The following RPP14 variants were observed in gnomAD, a reference collection of about 807,000 sequenced individuals.
RPP14 encodes the protein ribonuclease P protein subunit p14.
Under a neutral mutation model 17.8 loss-of-function variants are expected in RPP14, and 19 were observed. The observed-to-expected ratio is 1.07, with a 90% confidence interval of 0.74 to 1.57. RPP14 has a LOEUF of 1.57. RPP14 is among the 40% of genes most tolerant of loss of function. The pLI is 0.00. For missense variants in RPP14, 125 were observed against 140.8 expected (o/e 0.89, Z 0.57); for synonymous variants, 60 against 56.4 (o/e 1.06, Z -0.29).
intron 3 of RPP14, among the ~76,000 whole-genome samples, chr3:58,313,359 G>A (rs1309166960): frequency 6.6e-6 from 1 of 152,218 alleles, no homozygotes; most frequent in Non-Finnish European, 1.5e-5. Context: ...TTTTGTCATA[G>A]ACCAGCATTT....
intron 3 of RPP14, among the ~76,000 whole-genome samples, chr3:58,311,171 T>C (rs1430048041): frequency 6.6e-6 from 1 of 151,818 alleles, no homozygotes; most frequent in African/African-American, 2.4e-5. Flanking sequence ...TTGTTTTTCT[T>C]TGAGATGGAG....
intron 3 of RPP14, 61 bp from the exon 4 acceptor site, chr3:58,316,454 T>G: frequency 6.9e-7 from 1 of 1,458,510 alleles, no homozygotes; most frequent in Non-Finnish European, 9.6e-7. Context: ...TTGTCAAAAG[T>G]TGACAAGCAT....
At chr3:58,309,822 G>A (rs1380415428) in intron 1 of RPP14, among the ~76,000 whole-genome samples, 1 of 152,120 alleles carries the variant, frequency 6.6e-6, no homozygotes, top group Non-Finnish European at 1.5e-5. Flanking sequence ...AATCCGCGAG[G>A]CAGAGGTTGC....
At chr3:58,316,378 C>T (rs1376102407) in intron 3 of RPP14, 137 bp from the exon 4 acceptor site, 11 of 730,828 alleles carry the variant, frequency 1.5e-5, no homozygotes, top group Non-Finnish European at 2.6e-5. Context: ...AAGTAGGCAA[C>T]TAAAGTGCCA....
intron 3 of RPP14, among the ~76,000 whole-genome samples, chr3:58,315,396 G>T (rs2097487189): frequency 6.6e-6 from 1 of 151,570 alleles, no homozygotes; most frequent in South Asian, 2.1e-4. Context: ...GGAGGGGTGG[G>T]TGTGGCTGTA....
At chr3:58,314,917 C>T (rs13081138) in intron 3 of RPP14, among the ~76,000 whole-genome samples, 10,669 of 152,024 alleles carry the variant, frequency 0.07, 492 homozygotes, top group South Asian at 0.1. Flanking sequence ...AATCTCTTGA[C>T]CTTGTGATCC....
chr3:58,317,078 T>G, intron 5 of RPP14, 85 bp downstream of exon 5: 1 of 961,284 alleles, frequency 1.0e-6, no homozygotes, highest in Non-Finnish European at 1.6e-6. Flanking sequence ...TTTTTGTGCT[T>G]GCATAAATGT....
chr3:58,319,025 T>G lies in RPP14; in HGVS notation c.*1529T>G, dbSNP rs1259396880. 6.6e-6 allele frequency: 1 copy of G among 152,104 alleles called. No homozygotes were observed. The highest frequency in any genetic ancestry group is 1.9e-4 in the East Asian group (1 of 5,202). 9.4% of individuals were successfully genotyped at this position (152,104 alleles called of 1,614,324 possible). On this transcript the variant is annotated 3_prime_UTR_variant, in exon 6 of 6. Coordinates refer to ENST00000295959, the MANE Select transcript of RPP14 (RefSeq NM_007042.6). ...AAAAAAAGATTCTACTTTTAGAAAT[T>G]CAGACCTAGATAGATTTGCATTTGG... is the stretch of plus-strand genomic sequence containing the variant.
intron 3 of RPP14, among the ~76,000 whole-genome samples, chr3:58,311,895 T>TG (rs1218781213): frequency 1.3e-5 from 2 of 152,162 alleles, no homozygotes; most frequent in Non-Finnish European, 2.9e-5. Context: ...GTTTTTGAGA[T>TG]GAAGTCTTGC....
intron 1 of RPP14, among the ~76,000 whole-genome samples, chr3:58,308,812 C>T (rs911148329): frequency 1.3e-5 from 2 of 152,120 alleles, no homozygotes; most frequent in African/African-American, 4.8e-5. Context: ...GATTGCATAA[C>T]ATGGGGGCTT....
At chr3:58,308,326 C>T (rs1314741587) in intron 1 of RPP14, among the ~76,000 whole-genome samples, 1 of 152,164 alleles carries the variant, frequency 6.6e-6, no homozygotes, top group African/African-American at 2.4e-5. Context: ...CTCTGTCACC[C>T]AGGCTGGAGT....
In RPP14 at chr3:58,317,007, C is replaced by T; in HGVS notation, c.318+14C>T. 1 of 1,595,080 alleles carries T rather than the reference C, an allele frequency of 6.3e-7. No individual in the cohort carries two copies. Among genetic ancestry groups the T allele is most frequent in the East Asian group, 2.2e-5 (1 of 44,776 alleles). ...CGGGTGATTCAGGTAAAGACTATTCCCTCACATATTCCAAACAAGACTGAG... is the reference window on the plus strand; with the variant it reads ...CGGGTGATTCAGGTAAAGACTATTCTCTCACATATTCCAAACAAGACTGAG... On this transcript the variant is annotated intron_variant, in intron 5 of 5. Transcript: ENST00000295959.
At position 58,310,343 on chromosome 3, in the gene RPP14, C is replaced by T. The variant is rs769408678; in HGVS notation, c.14C>T (p.Ala5Val). Residue 5 changes from alanine to valine, a missense_variant, in exon 2 of 6, where the codon GCT becomes GTT. Transcript: ENST00000295959. Reference protein sequence around the residue: MPAPAATYERVVYKN... With the variant: MPAPVATYERVVYKN... ...GCACTGGAAAAGATGCCTGCCCCTGCTGCCACATATGAAAGAGTAGTTTAC... is the reference window on the plus strand; with the variant it reads ...GCACTGGAAAAGATGCCTGCCCCTGTTGCCACATATGAAAGAGTAGTTTAC... 9 of 1,614,190 alleles carry T rather than the reference C, an allele frequency of 5.6e-6. No individual in the cohort carries two copies. Among genetic ancestry groups the T allele is most frequent in the Admixed American group, 3.3e-5 (2 of 60,022 alleles).
intron 1 of RPP14, among the ~76,000 whole-genome samples, chr3:58,308,819 GCTTAA>G (rs1475159568): frequency 6.6e-6 from 1 of 152,060 alleles, no homozygotes; most frequent in Non-Finnish European, 1.5e-5. Context: ...TAACATGGGG[GCTTAA>G]CTTAGAGAAG....
intron 3 of RPP14, among the ~76,000 whole-genome samples, chr3:58,314,128 A>G (rs1475667513): frequency 6.6e-6 from 1 of 152,182 alleles, no homozygotes; most frequent in Non-Finnish European, 1.5e-5. Context: ...AGGTGGGTTG[A>G]TTGCCTGAGG....
intron 1 of RPP14, among the ~76,000 whole-genome samples, chr3:58,308,636 A>C (rs902817001): frequency 3.9e-5 from 6 of 152,116 alleles, no homozygotes; most frequent in African/African-American, 1.4e-4. Flanking sequence ...TTTTCTCCAG[A>C]GGTCATCATC....
chr3:58,306,815 C>G (rs1476773526), intron 1 of RPP14, among the ~76,000 whole-genome samples: 1 of 151,928 alleles, frequency 6.6e-6, no homozygotes, highest in Non-Finnish European at 1.5e-5. Context: ...CAGCAGTGAA[C>G]AAGATAGCAA....
chr3:58,316,126 T>G (rs2107508742), intron 3 of RPP14, among the ~76,000 whole-genome samples: 1 of 152,386 alleles, frequency 6.6e-6, no homozygotes, highest in South Asian at 2.1e-4. Context: ...AGACATGGCC[T>G]CTGCCACATG....
intron 3 of RPP14, among the ~76,000 whole-genome samples, chr3:58,314,693 T>C (rs1455486046): frequency 2.1e-5 from 3 of 141,224 alleles, no homozygotes; most frequent in Non-Finnish European, 3.1e-5. Flanking sequence ...TTTTTTTTTT[T>C]TTTTTTTGTT....
Sources: gnomAD v4.1 joint callset for allele counts (sites outside exome capture counted in the v4.1 genomes callset) on GRCh38, gnomAD v4.1.1 for gene constraint, MANE v1.5 for transcripts, NCBI Gene and HGNC (gene_info 2026-07-23, HGNC 2026-07-21) for gene names.